Variants in MAP4K4 observed in about 807,000 individuals in gnomAD.
MAP4K4 encodes the protein HPK/GCK-like kinase HGK.
MAP4K4 carries 38 observed loss-of-function variants against 189.6 expected under a neutral mutation model. The observed-to-expected ratio is 0.20, with a 90% CI of 0.15 to 0.26. MAP4K4 has a LOEUF of 0.26. MAP4K4 is among the 10% of genes least tolerant of loss of function. MAP4K4 has a pLI of 1.00. For missense variants in MAP4K4, 1,054 were observed against 1,726.9 expected (o/e 0.61, Z 6.91); for synonymous variants, 610 against 624.3 (o/e 0.98, Z 0.34).
chr2:101,766,661 G>A (rs747483250), intron 2 of MAP4K4, among the ~76,000 whole-genome samples: 3 of 151,438 alleles, frequency 2.0e-5, no homozygotes, highest in Admixed American at 6.6e-5. Flanking sequence ...TTAAACACTG[G>A]ATGTTTTTTC....
intron 5 of MAP4K4, among the ~76,000 whole-genome samples, chr2:101,828,259 G>A (rs552083281): frequency 2.0e-5 from 3 of 152,324 alleles, no homozygotes; most frequent in South Asian, 4.1e-4. Context: ...AAGAGGTTGT[G>A]CAAGTTAGAG....
At chr2:101,786,686 A>G (rs576147639) in intron 2 of MAP4K4, among the ~76,000 whole-genome samples, 20 of 152,332 alleles carry the variant, frequency 1.3e-4, no homozygotes, top group African/African-American at 4.8e-4. Context: ...CTCTTGAAGT[A>G]TGTATATAAA....
At chr2:101,886,564 T>C (rs1486276751) in intron 29 of MAP4K4, among the ~76,000 whole-genome samples, 5 of 152,196 alleles carry the variant, frequency 3.3e-5, no homozygotes, top group Admixed American at 1.3e-4. Context: ...AGCAGAAATC[T>C]TGATCTGGAA....
At chr2:101,865,667 A>T (rs2097789768) in intron 18 of MAP4K4, among the ~76,000 whole-genome samples, 1 of 152,238 alleles carries the variant, frequency 6.6e-6, no homozygotes, top group Non-Finnish European at 1.5e-5. Context: ...GAACATTTTC[A>T]TCATAACAGA....
chr2:101,823,758 A>AGT (rs1337008933), intron 3 of MAP4K4, among the ~76,000 whole-genome samples, 170 bp from the exon 4 acceptor site: 2 of 152,120 alleles, frequency 1.3e-5, no homozygotes, highest in Admixed American at 1.3e-4. Context: ...TCAAAGGATG[A>AGT]GTCCTCTAAG....
chr2:101,824,275 A>C (rs1341982586), intron 4 of MAP4K4, among the ~76,000 whole-genome samples: 1 of 152,162 alleles, frequency 6.6e-6, no homozygotes, highest in South Asian at 2.1e-4. Context: ...AAAAAAGTTA[A>C]CTTTGTGTTT....
intron 2 of MAP4K4, among the ~76,000 whole-genome samples, chr2:101,711,715 C>T (rs994052470): frequency 9.2e-5 from 14 of 151,996 alleles, no homozygotes; most frequent in Non-Finnish European, 1.6e-4. Flanking sequence ...TGCTGGCTTT[C>T]AAAGTGTGAA....
At chr2:101,719,220 T>C (rs1219929510) in intron 2 of MAP4K4, among the ~76,000 whole-genome samples, 5 of 152,206 alleles carry the variant, frequency 3.3e-5, no homozygotes, top group African/African-American at 1.2e-4. Flanking sequence ...TGGAAGGCAG[T>C]GCAGTGAAGT....
chr2:101,729,077 G>GAGAGA (rs70946662), intron 2 of MAP4K4, among the ~76,000 whole-genome samples: 1 of 128,676 alleles, frequency 7.8e-6, no homozygotes, highest in Non-Finnish European at 1.6e-5. Flanking sequence ...ATTAGAGAGA[G>GAGAGA]GAGAGAGAGA....
At chr2:101,875,601 A>G (rs575022595) in intron 26 of MAP4K4, among the ~76,000 whole-genome samples, 9 of 151,746 alleles carry the variant, frequency 5.9e-5, no homozygotes, top group African/African-American at 9.7e-5. Flanking sequence ...GTGCCATGAT[A>G]TTCTTCCGCC....
chr2:101,850,734 ACTC>A (rs2097258582), intron 12 of MAP4K4, among the ~76,000 whole-genome samples: 1 of 151,754 alleles, frequency 6.6e-6, no homozygotes, highest in South Asian at 2.1e-4. Context: ...GCATTTAAGA[ACTC>A]CTCATAAGTT....
chr2:101,777,802 C>T (rs2085076808), intron 2 of MAP4K4, among the ~76,000 whole-genome samples: 1 of 152,148 alleles, frequency 6.6e-6, no homozygotes, highest in African/African-American at 2.4e-5. Context: ...AGCATCTAGA[C>T]CAGTGTCTTG....
At chr2:101,829,661 C>A in intron 6 of MAP4K4, 67 bp downstream of exon 6, 2 of 1,063,118 alleles carry the variant, frequency 1.9e-6, no homozygotes, top group Non-Finnish European at 2.9e-6. Flanking sequence ...ACTCCCAGTT[C>A]TGCTTCCATC....
intron 2 of MAP4K4, among the ~76,000 whole-genome samples, chr2:101,703,779 C>T (rs1030347038): frequency 2.6e-5 from 4 of 151,628 alleles, no homozygotes; most frequent in Admixed American, 6.6e-5. Context: ...TTTGGGAGGC[C>T]GAGGCGGGTG....
chr2:101,712,967 C>T (rs1018329440), intron 2 of MAP4K4, among the ~76,000 whole-genome samples: 1 of 144,590 alleles, frequency 6.9e-6, no homozygotes, highest in African/African-American at 2.6e-5. Flanking sequence ...CAGTGGGCAC[C>T]ATCTTGGCTC....
intron 3 of MAP4K4, among the ~76,000 whole-genome samples, chr2:101,822,036 G>C (rs1334180998): frequency 6.6e-6 from 1 of 152,170 alleles, no homozygotes; most frequent in African/African-American, 2.4e-5. Context: ...GTCATGCACA[G>C]AGCTGTCATC....
intron 2 of MAP4K4, among the ~76,000 whole-genome samples, chr2:101,720,771 C>G (rs2051422236): frequency 6.6e-6 from 1 of 152,076 alleles, no homozygotes; most frequent in African/African-American, 2.4e-5. Flanking sequence ...TCTTTTGTTA[C>G]TGTTTTCTTG....
intron 3 of MAP4K4, among the ~76,000 whole-genome samples, chr2:101,818,288 G>A (rs1055962187): frequency 2.0e-5 from 3 of 152,124 alleles, no homozygotes; most frequent in Non-Finnish European, 2.9e-5. Context: ...TTTTGGTGCC[G>A]AAGTCTTCCA....
At chr2:101,740,711 G>A (rs2062344540) in intron 2 of MAP4K4, among the ~76,000 whole-genome samples, 1 of 152,078 alleles carries the variant, frequency 6.6e-6, no homozygotes, top group Non-Finnish European at 1.5e-5. Context: ...ATAGGGTTTA[G>A]TTGTCTCAGT....
Sources: gnomAD v4.1 joint callset for allele counts (sites outside exome capture counted in the v4.1 genomes callset) on GRCh38, gnomAD v4.1.1 for gene constraint, MANE v1.5 for transcripts, NCBI Gene and HGNC (gene_info 2026-07-23, HGNC 2026-07-21) for gene names.